The following CACNA2D3 variants were observed in gnomAD, a reference collection of about 807,000 sequenced individuals.
The protein encoded by CACNA2D3 is calcium voltage-gated channel auxiliary subunit alpha2delta 3.
In CACNA2D3, 60 loss-of-function variants were observed where a neutral mutation model predicts 160.6. The observed-to-expected ratio is 0.37, with a 90% confidence interval of 0.30 to 0.46. The LOEUF is 0.46. CACNA2D3 is among the 20% of genes least tolerant of loss of function. The pLI is 1.00. For synonymous variants in CACNA2D3, 558 were observed against 492.9 expected (o/e 1.13, Z -1.75); for missense variants, 1,205 against 1,365.0 (o/e 0.88, Z 1.85).
At chr3:54,910,605 T>C (rs1427860198) in intron 27 of CACNA2D3, among the ~76,000 whole-genome samples, 2 of 152,200 alleles carry the variant, frequency 1.3e-5, no homozygotes, top group Non-Finnish European at 2.9e-5. Context: ...TAGTAAATGT[T>C]GGAGGGCCCC....
At chr3:54,981,562 A>T (rs1225368208) in intron 29 of CACNA2D3, among the ~76,000 whole-genome samples, 1 of 152,154 alleles carries the variant, frequency 6.6e-6, no homozygotes, top group East Asian at 1.9e-4. Flanking sequence ...GGAGAGAGAG[A>T]AAAAGAGGCT....
At chr3:54,809,303 C>CTTTTTT (rs1483331995) in intron 13 of CACNA2D3, among the ~76,000 whole-genome samples, 1 of 107,396 alleles carries the variant, frequency 9.3e-6, no homozygotes, top group African/African-American at 5.3e-5. Context: ...TTCCTTCCTT[C>CTTTTTT]CTTCTTTCTT....
chr3:54,468,045 G>A (rs547262731), intron 4 of CACNA2D3, among the ~76,000 whole-genome samples: 7 of 152,246 alleles, frequency 4.6e-5, no homozygotes, highest in African/African-American at 1.7e-4. Flanking sequence ...AACAAAAAAT[G>A]GAGATGATAA....
chr3:54,547,672 CTTTTTTTTTTTTTT>C (rs55806357), intron 5 of CACNA2D3, among the ~76,000 whole-genome samples: 1 of 69,282 alleles, frequency 1.4e-5, no homozygotes, highest in Non-Finnish European at 2.6e-5. Flanking sequence ...TCCCCCAACC[CTTTTTTTTTTTTTT>C]TTTTTTTTTT....
chr3:54,590,111 A>G (rs1702831701), intron 9 of CACNA2D3, among the ~76,000 whole-genome samples: 3 of 152,250 alleles, frequency 2.0e-5, no homozygotes, highest in East Asian at 1.9e-4. Context: ...AGAAATGTTC[A>G]TAGCATCTTT....
At chr3:54,172,779 C>G (rs1001761220) in intron 2 of CACNA2D3, among the ~76,000 whole-genome samples, 3 of 152,168 alleles carry the variant, frequency 2.0e-5, no homozygotes, top group African/African-American at 7.2e-5. Flanking sequence ...TTCATTTCTT[C>G]AAGGTACATC....
chr3:54,537,437 T>C (rs1458673989), intron 5 of CACNA2D3, among the ~76,000 whole-genome samples: 2 of 152,088 alleles, frequency 1.3e-5, no homozygotes, highest in Admixed American at 6.5e-5. Context: ...CACTCCCTCA[T>C]TGGAGTCACT....
intron 3 of CACNA2D3, among the ~76,000 whole-genome samples, chr3:54,336,952 A>C (rs1704395097): frequency 6.6e-6 from 1 of 152,188 alleles, no homozygotes; most frequent in Admixed American, 6.5e-5. Flanking sequence ...GGAGGGAATA[A>C]GAGTAGAGGT....
intron 35 of CACNA2D3, among the ~76,000 whole-genome samples, chr3:55,036,196 C>G (rs1703812507): frequency 6.6e-6 from 1 of 152,094 alleles, no homozygotes; most frequent in Admixed American, 6.5e-5. Context: ...CCTGTAATCC[C>G]AGCACTTTGG....
chr3:54,290,823 A>C (rs549235509), intron 2 of CACNA2D3, among the ~76,000 whole-genome samples: 1 of 151,850 alleles, frequency 6.6e-6, no homozygotes, highest in African/African-American at 2.4e-5. Context: ...AAAACCAAAC[A>C]CCGCATGTTC....
At chr3:54,327,207 AG>A (rs1384900994) in intron 3 of CACNA2D3, among the ~76,000 whole-genome samples, 1 of 152,222 alleles carries the variant, frequency 6.6e-6, no homozygotes, top group Non-Finnish European at 1.5e-5. Flanking sequence ...CTCACAGCTA[AG>A]CCCAGAAGAC....
chr3:54,245,294 T>C (rs1301436300), intron 2 of CACNA2D3, among the ~76,000 whole-genome samples: 2 of 151,974 alleles, frequency 1.3e-5, no homozygotes, highest in Non-Finnish European at 2.9e-5. Flanking sequence ...TGTATGTAAG[T>C]GTGCATGTGT....
At chr3:54,786,052 A>G (rs1039200450) in intron 13 of CACNA2D3, among the ~76,000 whole-genome samples, 2 of 152,008 alleles carry the variant, frequency 1.3e-5, no homozygotes, top group Non-Finnish European at 2.9e-5. Context: ...GCTAACACTT[A>G]CCTAATCTTT....
intron 12 of CACNA2D3, among the ~76,000 whole-genome samples, chr3:54,754,530 A>T (rs1701935294): frequency 6.6e-6 from 1 of 152,132 alleles, no homozygotes; most frequent in Non-Finnish European, 1.5e-5. Flanking sequence ...CTCCCTTCTG[A>T]GGCTACAAGC....
chr3:54,886,888 T>C (rs1575531628), intron 23 of CACNA2D3, among the ~76,000 whole-genome samples: 1 of 151,502 alleles, frequency 6.6e-6, no homozygotes, highest in Admixed American at 6.6e-5. Flanking sequence ...AATATATTCA[T>C]TGTCTTACTG....
intron 2 of CACNA2D3, among the ~76,000 whole-genome samples, chr3:54,153,197 C>T (rs150852233): frequency 1.3e-5 from 2 of 152,004 alleles, no homozygotes; most frequent in South Asian, 2.1e-4. Flanking sequence ...TGAGTGTCCA[C>T]GTCTGCAAAA....
At chr3:54,408,287 A>G (rs965947277) in intron 4 of CACNA2D3, among the ~76,000 whole-genome samples, 6 of 152,036 alleles carry the variant, frequency 3.9e-5, no homozygotes, top group Non-Finnish European at 8.8e-5. Context: ...TAAGAGCTCC[A>G]CTCAATATCT....
At chr3:54,919,906 C>T (rs1420096835) in intron 27 of CACNA2D3, among the ~76,000 whole-genome samples, 2 of 152,180 alleles carry the variant, frequency 1.3e-5, no homozygotes, top group African/African-American at 2.4e-5. Flanking sequence ...CCACTACACT[C>T]GCTGCCTCGC....
Position 54,386,792 on chromosome 3 carries a change from G to C in CACNA2D3, c.381+18G>C, listed in dbSNP as rs890080792. 2 of 1,570,762 alleles carry C rather than the reference G, an allele frequency of 1.3e-6. No homozygotes were observed. Among genetic ancestry groups the C allele is most frequent in the Non-Finnish European group, 1.7e-6 (2 of 1,155,826 alleles). The stretch of plus-strand genomic sequence containing the variant: ...ACTTACAGGTAACTGATTATAGTTT[G>C]AGTTAAATTGTTTTGTGTGTTTCCT... On this transcript the variant is annotated intron_variant, in intron 4 of 37. Transcript: ENST00000474759.
Sources: gnomAD v4.1 joint callset for allele counts (sites outside exome capture counted in the v4.1 genomes callset) on GRCh38, gnomAD v4.1.1 for gene constraint, MANE v1.5 for transcripts, NCBI Gene and HGNC (gene_info 2026-07-23, HGNC 2026-07-21) for gene names.